DPYSL5: variants seen among roughly 807,000 people sequenced by gnomAD.
DPYSL5 encodes dihydropyrimidinase like 5.
DPYSL5 carries 9 observed loss-of-function variants against 58.4 expected under a neutral mutation model. The ratio of observed to expected loss-of-function variants is 0.15; its 90% CI spans 0.09 to 0.27. DPYSL5 has a LOEUF of 0.27. DPYSL5 is among the 10% of genes least tolerant of loss of function. DPYSL5 has a pLI of 1.00. For missense variants in DPYSL5, 499 were observed against 770.6 expected, an observed-to-expected ratio of 0.65 and a Z score of 4.17; for synonymous variants, 293 against 301.9, an observed-to-expected ratio of 0.97 and a Z score of 0.31.
rs576117 is a variant in DPYSL5 at position 26,898,921 on chromosome 2, G to A, written c.261+161G>A. On this transcript the variant is annotated intron_variant, in intron 2 of 12. Coordinates refer to ENST00000288699, the MANE Select transcript of DPYSL5 (RefSeq NM_020134.4). The surrounding 1 kb of genome is among the most constrained non-coding windows in gnomAD (Gnocchi z 6.1). ...TGTGGCAACTACAATAGGGATTTCC[G>A]GCTTAACGTCACAGATTTCCATGAT... Among the ~76,000 whole-genome samples the A allele has an allele frequency of 0.017, 2,560 of 152,236 alleles. 83 individuals are homozygous for A. The highest frequency in any genetic ancestry group is 0.058 in the African/African-American group (2,412 of 41,522).
intron 2 of DPYSL5, among the ~76,000 whole-genome samples, chr2:26,903,713 C>T (rs116036056): frequency 1.7e-5 from 1 of 58,890 alleles, no homozygotes; most frequent in Non-Finnish European, 3.8e-5. Context: ...TTCTTATTTG[C>T]ACCTTGCTGG....
chr2:26,886,241 T>C (rs905470238), intron 1 of DPYSL5, among the ~76,000 whole-genome samples: 4 of 152,170 alleles, frequency 2.6e-5, no homozygotes, highest in African/African-American at 9.7e-5. Context: ...CTTTTTTGCT[T>C]GTCACCTAAT....
intron 1 of DPYSL5, among the ~76,000 whole-genome samples, chr2:26,856,390 C>G (rs1020125788): frequency 3.9e-5 from 6 of 152,190 alleles, no homozygotes; most frequent in Admixed American, 6.5e-5. Context: ...CAAATGGAAT[C>G]ATGTAGTGGA....
chr2:26,849,860 G>T lies in DPYSL5; in HGVS notation c.-5+1606G>T, dbSNP rs1441316779. ...CCCCCGGCCTGGGGGCCTGCAGACA[G>T]CCACCCCCCCACTCCGGCTCGGGTG... On this transcript the variant is annotated intron_variant, in intron 1 of 12. Coordinates refer to ENST00000288699, the MANE Select transcript of DPYSL5 (RefSeq NM_020134.4). This position sits in a 1 kb window ranked among gnomAD's most constrained non-coding sequence, Gnocchi z 6.2. Among the ~76,000 whole-genome samples, 1 of 152,200 alleles carries T rather than the reference G, an allele frequency of 6.6e-6. No homozygotes were observed. The highest frequency in any genetic ancestry group is 2.4e-5 in the African/African-American group (1 of 41,470).
intron 2 of DPYSL5, among the ~76,000 whole-genome samples, chr2:26,921,345 A>T (rs1225672011): frequency 6.6e-6 from 1 of 152,178 alleles, no homozygotes; most frequent in Non-Finnish European, 1.5e-5. Context: ...AGTGAACATC[A>T]TTTTTATTGG....
At chr2:26,896,966 G>T (rs553321346) in intron 1 of DPYSL5, among the ~76,000 whole-genome samples, 1 of 152,096 alleles carries the variant, frequency 6.6e-6, no homozygotes, top group South Asian at 2.1e-4. Flanking sequence ...ACTTTTTCTG[G>T]TGACACCAGG....
intron 1 of DPYSL5, among the ~76,000 whole-genome samples, chr2:26,871,370 A>T (rs1022574278): frequency 6.6e-6 from 1 of 152,192 alleles, no homozygotes; most frequent in Non-Finnish European, 1.5e-5. Flanking sequence ...TGAAAGAAAC[A>T]TTATATCAGC....
rs868356938 is a variant in DPYSL5, at chr2:26,936,460, T to C, written c.947+1726T>C. The stretch of plus-strand genomic sequence containing the variant: ...GCCAATGCGAGTGGAGTGCCATCGA[T>C]AGGGGCGTGGGCGAAGGTGGCCTCT... On this transcript the variant is annotated intron_variant, in intron 8 of 12. Transcript: ENST00000288699. Among the ~76,000 whole-genome samples, 5 of 152,216 alleles carry C rather than the reference T, an allele frequency of 3.3e-5. No individual in the cohort carries two copies. The South Asian group carries it at 1.0e-3, about 32-fold the overall frequency.
intron 1 of DPYSL5, among the ~76,000 whole-genome samples, chr2:26,864,637 G>A (rs928292074): frequency 2.6e-5 from 4 of 152,204 alleles, no homozygotes; most frequent in African/African-American, 9.7e-5. Context: ...CTGGCCATTA[G>A]GATGCAGCAG....
Position 26,898,421 on chromosome 2 carries a change from G to A in DPYSL5, c.-4-75G>A. 6.4e-7 allele frequency: 1 copy of A among 1,563,638 alleles called. No individual in the cohort carries two copies. Among genetic ancestry groups the A allele is most frequent in the Non-Finnish European group, 8.7e-7 (1 of 1,150,704 alleles). On this transcript the variant is annotated intron_variant, in intron 1 of 12. Transcript: ENST00000288699. The surrounding 1 kb of genome is among the most constrained non-coding windows in gnomAD (Gnocchi z 6.1). ...CACTTACCCTGACCATGGAATTTGG[G>A]CTTTGATAGGAGGGATGGGAAACTG...
At chr2:26,853,287 A>G (rs982953572) in intron 1 of DPYSL5, among the ~76,000 whole-genome samples, 2 of 152,154 alleles carry the variant, frequency 1.3e-5, no homozygotes, top group African/African-American at 4.8e-5. Flanking sequence ...AAGAGTCATC[A>G]TGTTTGGTTG....
At chr2:26,853,616 CA>C (rs1665806803) in intron 1 of DPYSL5, among the ~76,000 whole-genome samples, 1 of 152,090 alleles carries the variant, frequency 6.6e-6, no homozygotes, top group Non-Finnish European at 1.5e-5. Context: ...TCCAGAAAAA[CA>C]AAACCAATAG....
At chr2:26,886,940 G>T (rs1395142450) in intron 1 of DPYSL5, among the ~76,000 whole-genome samples, 1 of 152,210 alleles carries the variant, frequency 6.6e-6, no homozygotes, top group African/African-American at 2.4e-5. Context: ...CAACTGTCGT[G>T]TATTGCCTTT....
At chr2:26,896,580 C>T (rs1664026925) in intron 1 of DPYSL5, among the ~76,000 whole-genome samples, 1 of 152,162 alleles carries the variant, frequency 6.6e-6, no homozygotes, top group Non-Finnish European at 1.5e-5. Context: ...GTCATTCTAA[C>T]AGGTGTGTGG....
chr2:26,946,484 G>A (rs569192155), intron 12 of DPYSL5, among the ~76,000 whole-genome samples: 15 of 151,724 alleles, frequency 9.9e-5, no homozygotes, highest in Non-Finnish European at 1.9e-4. Flanking sequence ...TTCAAGATGC[G>A]GGGCCTTTGG....
intron 1 of DPYSL5, among the ~76,000 whole-genome samples, chr2:26,866,363 T>C (rs187755824): frequency 6.6e-6 from 1 of 152,126 alleles, no homozygotes; most frequent in African/African-American, 2.4e-5. Flanking sequence ...CTGTGGAAAA[T>C]GTAAATGATA....
chr2:26,879,888 T>TTTGTTGTTGTTG (rs113198755), intron 1 of DPYSL5, among the ~76,000 whole-genome samples: 20 of 151,534 alleles, frequency 1.3e-4, no homozygotes, highest in Non-Finnish European at 1.9e-4. Flanking sequence ...CTGCCACTCG[T>TTTGTTGTTGTTG]TTGTTGTTGT....
intron 1 of DPYSL5, among the ~76,000 whole-genome samples, chr2:26,890,374 A>T (rs1663845528): frequency 6.6e-6 from 1 of 152,244 alleles, no homozygotes; most frequent in African/African-American, 2.4e-5. Flanking sequence ...TTAAAAATTT[A>T]AAAAAGATAT....
intron 6 of DPYSL5, among the ~76,000 whole-genome samples, chr2:26,932,681 T>C (rs544520679): frequency 8.5e-5 from 13 of 152,332 alleles, no homozygotes; most frequent in East Asian, 1.9e-4. Flanking sequence ...AGTTAAGCCA[T>C]GGACCGTGGT....
Sources: gnomAD v4.1 joint callset for allele counts (sites outside exome capture counted in the v4.1 genomes callset) on GRCh38, gnomAD v4.1.1 for gene constraint, Gnocchi (gnomAD v3.1) non-coding constraint, MANE v1.5 for transcripts, NCBI Gene and HGNC (gene_info 2026-07-23, HGNC 2026-07-21) for gene names.